The following SPTBN5 variants were observed in gnomAD, a reference collection of about 807,000 sequenced individuals.
SPTBN5 encodes the protein spectrin beta, non-erythrocytic 5.
In SPTBN5, 513 loss-of-function variants were observed where a neutral mutation model predicts 477.6. That is an observed-to-expected ratio of 1.07 (90% CI 1.00 to 1.16). The LOEUF (loss-of-function observed/expected upper bound fraction) is 1.16. Ranked by LOEUF, SPTBN5 falls within the 50% of genes most tolerant of loss-of-function variation. The pLI, the probability that SPTBN5 is intolerant of heterozygous loss-of-function variation, is 0.00. For missense variants in SPTBN5, 5,062 were observed against 4,731.8 expected, an observed-to-expected ratio of 1.07 and a Z score of -2.05; for synonymous variants, 2,169 against 2,011.7, an observed-to-expected ratio of 1.08 and a Z score of -2.09.
In SPTBN5 at chr15:41,857,623, G is replaced by A. The variant is rs1285379492; in HGVS notation, c.8314C>T (p.Leu2772=). 6.2e-6 allele frequency: 10 copies of A among 1,604,918 alleles called. No homozygotes were observed. Among genetic ancestry groups the A allele is most frequent in the South Asian group, 1.1e-5 (1 of 89,226 alleles). Residue 2772 remains leucine, a synonymous_variant, in exon 50 of 68, where the codon CTG becomes TTG. Coordinates refer to ENST00000320955, the MANE Select transcript of SPTBN5 (RefSeq NM_016642.4). Reference sequence around the variant, plus strand: ...ACCTTCTTCTGGGAGTTGTCTTGCAGCTCACCCCAGAGTGCTCCCAGCTCC... The same window carrying A: ...ACCTTCTTCTGGGAGTTGTCTTGCAACTCACCCCAGAGTGCTCCCAGCTCC... ...LEELGALWGE[L]QDNSQKKVAK...
In SPTBN5 at chr15:41,874,471, G is replaced by A; in HGVS notation, c.4510C>T (p.Leu1504Phe). The change falls in exon 24 of 68, where the codon CTT becomes TTT. Residue 1504 changes from leucine to phenylalanine, a missense_variant. By Grantham distance (22) the Leu-to-Phe change is conservative. Transcript: ENST00000320955. ...CGGATGGCCAGATGCCCCTGCAGAA[G>A]CTCCAGCCTAGGAGGAGGAGGAAGA... ...ETQKHLRRLE[L>F]LQGHLAIRGL... The A allele has an allele frequency of 6.2e-7, 1 of 1,607,454 alleles. No individual in the cohort carries two copies. Among genetic ancestry groups the A allele is most frequent in the Non-Finnish European group, 8.5e-7 (1 of 1,177,628 alleles).
chr15:41,873,395 A>C (rs2066608903), intron 26 of SPTBN5, 97 bp downstream of exon 26: 1 of 920,918 alleles, frequency 1.1e-6, no homozygotes, highest in Non-Finnish European at 1.7e-6. Context: ...AAGCAAGAGC[A>C]GGGCTCCGTG....
At chr15:41,851,489 C>T (rs1382044239) in intron 63 of SPTBN5, 120 bp from the exon 64 acceptor site, 3 of 729,732 alleles carry the variant, frequency 4.1e-6, no homozygotes, top group East Asian at 2.7e-5. Context: ...GGACCAAAGT[C>T]CCAATGGGGA....
chr15:41,870,177 G>T, intron 31 of SPTBN5, 66 bp downstream of exon 31: 1 of 1,504,312 alleles, frequency 6.6e-7, no homozygotes, highest in South Asian at 1.2e-5. Flanking sequence ...AAATCTAGAG[G>T]AACAGGCAGG....
chr15:41,868,188 G>T lies in SPTBN5; in HGVS notation c.6088C>A (p.Gln2030Lys). 1 of 1,582,782 alleles carries T rather than the reference G, an allele frequency of 6.3e-7. No homozygotes were observed. Among genetic ancestry groups the T allele is most frequent in the South Asian group, 1.2e-5 (1 of 86,492 alleles). Residue 2030 changes from glutamine to lysine, a missense_variant, in exon 34 of 68, where the codon CAG becomes AAG. Coordinates refer to ENST00000320955, the MANE Select transcript of SPTBN5 (RefSeq NM_016642.4). ...CAGGTCTGATACACCTGGTCCCGCT[G>T]GTCCTGCAGGGCTCGAAGCTCTTCC... is the stretch of plus-strand genomic sequence containing the variant. ...VQEELRALQD[Q>K]RDQVYQTWAR...
At position 41,871,934 on chromosome 15, in the gene SPTBN5, T is replaced by C. The variant is rs1340474338; in HGVS notation, c.5166-17A>G. ...TCCCGGTCCCTGTGGTAACAGTCCGTGGTTCCCCAGAAGTGAGTTGCCCAC... is the reference window on the plus strand; with the variant it reads ...TCCCGGTCCCTGTGGTAACAGTCCGCGGTTCCCCAGAAGTGAGTTGCCCAC... On this transcript the variant is annotated splice_polypyrimidine_tract_variant and intron_variant, in intron 27 of 67. Transcript: ENST00000320955. 6.5e-7 allele frequency: 1 copy of C among 1,539,636 alleles called. No individual in the cohort carries two copies. The highest frequency in any genetic ancestry group is 2.0e-5 in the Admixed American group (1 of 50,852).
Position 41,868,389 on chromosome 15 carries a change from G to A in SPTBN5, c.6057+9C>T, listed in dbSNP as rs747397277. ...AGGGTATGTGGGGGCACCAGGGGAG[G>A]GGGCCCACCTCCTTGGTGGGTGTCC... On this transcript the variant is annotated intron_variant, in intron 33 of 67. Transcript: ENST00000320955. 7 of 1,595,768 alleles carry A rather than the reference G, an allele frequency of 4.4e-6. No individual in the cohort carries two copies. The African/African-American group carries it at 9.4e-5, about 21-fold the overall frequency.
At position 41,857,003 on chromosome 15, in the gene SPTBN5, C is replaced by T; in HGVS notation, c.8658G>A (p.Arg2886=). 2 of 1,604,804 alleles carry T rather than the reference C, an allele frequency of 1.2e-6. No homozygotes were observed. The highest frequency in any genetic ancestry group is 8.5e-7 in the Non-Finnish European group (1 of 1,176,478). Residue 2886 remains arginine, a synonymous_variant, in exon 52 of 68, where the codon AGG becomes AGA. Coordinates refer to ENST00000320955, the MANE Select transcript of SPTBN5 (RefSeq NM_016642.4). ...KSLREPLQER[R]TALEARSLLL... ...GGAGGCTCCGGGCCTCCAGGGCCGT[C>T]CTGCGCTCCTGCAGGGGCTCCCTCA... is the stretch of plus-strand genomic sequence containing the variant.
At chr15:41,853,961 G>T in intron 57 of SPTBN5, 89 bp downstream of exon 57, 1 of 1,472,192 alleles carries the variant, frequency 6.8e-7, no homozygotes, top group Non-Finnish European at 9.0e-7. Flanking sequence ...GGCTGAAGCA[G>T]GCTGGGGTGG....
intron 29 of SPTBN5, among the ~76,000 whole-genome samples, chr15:41,870,819 T>G (rs1208245925): frequency 2.0e-5 from 3 of 152,248 alleles, no homozygotes; most frequent in African/African-American, 4.8e-5. Context: ...TGTGATACTC[T>G]TTACATCCTG....
In SPTBN5 at chr15:41,852,208, G is replaced by A; in HGVS notation, c.10558C>T (p.Gln3520Ter). 1 of 1,604,148 alleles carries A rather than the reference G, an allele frequency of 6.2e-7. No individual in the cohort carries two copies. Among genetic ancestry groups the A allele is most frequent in the East Asian group, 2.2e-5 (1 of 44,636 alleles). Residue 3520 changes from glutamine to a stop codon, truncating the protein, a stop_gained, in exon 62 of 68, where the codon CAG (glutamine) becomes TAG (stop). Transcript: ENST00000320955. LOFTEE classifies it high-confidence loss of function. ...RPSGHQGLGA[Q>*]LAETRDPQDA... ...TGGGGGTCCCTCGTCTCAGCCAGCTGTGCTCCTAGCCCCTGGTGTCCAGAG... is the reference window on the plus strand; with the variant it reads ...TGGGGGTCCCTCGTCTCAGCCAGCTATGCTCCTAGCCCCTGGTGTCCAGAG...
rs372109081 is a variant in SPTBN5, at chr15:41,887,965, C to T, written c.622G>A (p.Asp208Asn). The T allele has an allele frequency of 7.7e-4, 1,236 of 1,609,156 alleles. 26 individuals are homozygous for T. In the South Asian group the frequency reaches 0.013, roughly 17 times the overall value. The part of the protein sequence containing the change: ...NITDFSRSWS[D>N]GLGFNALIHA... Reference sequence around the variant, plus strand: ...ATGAGGGCATTGAAGCCCAGCCCATCGCTCCAGCTTCGGGAGAAATCTGTA... The same window carrying T: ...ATGAGGGCATTGAAGCCCAGCCCATTGCTCCAGCTTCGGGAGAAATCTGTA... Residue 208 changes from aspartate to asparagine, a missense_variant, in exon 5 of 68, where the codon GAT becomes AAT. Coordinates refer to ENST00000320955, the MANE Select transcript of SPTBN5 (RefSeq NM_016642.4).
At position 41,873,530 on chromosome 15, in the gene SPTBN5, C is replaced by G. The variant is rs1021078825; in HGVS notation, c.4969G>C (p.Asp1657His). Residue 1657 changes from aspartate (D) to histidine (H), a missense_variant, in exon 26 of 68, where the codon GAC (aspartate) becomes CAC (histidine). By Grantham distance (81) the Asp-to-His change is moderately conservative. Transcript: ENST00000320955. The stretch of plus-strand genomic sequence containing the variant: ...ATGAGCCTGAGGGTGGCTGCCTCGT[C>G]TCTGCCATAGTCCCGACTGCTCACC... ...PLVSSRDYGR[D>H]EAATLRLINK... The G allele has an allele frequency of 2.7e-5, 42 of 1,551,990 alleles. No homozygotes were observed. The highest frequency in any genetic ancestry group is 3.6e-5 in the Non-Finnish European group (41 of 1,147,164).
Position 41,879,839 on chromosome 15 carries a change from C to A in SPTBN5, c.2837G>T (p.Gly946Val). ...GCTGACCTCAGCCCAGAGGCCCTTT[C>A]CCACAGCCAGGGCAGTGAGGAAGTT... ...YENFLTALAV[G>V]KGLWAEVSSS... The change falls in exon 15 of 68, where the codon GGA becomes GTA. Residue 946 changes from glycine to valine, a missense_variant. By Grantham distance (109) the Gly-to-Val change is moderately radical. Transcript: ENST00000320955. 6.2e-7 allele frequency: 1 copy of A among 1,613,984 alleles called. No homozygotes were observed. Among genetic ancestry groups the A allele is most frequent in the Non-Finnish European group, 8.5e-7 (1 of 1,179,898 alleles).
At chr15:41,891,540 T>A (rs891425183) in intron 3 of SPTBN5, among the ~76,000 whole-genome samples, 2 of 65,370 alleles carry the variant, frequency 3.1e-5, no homozygotes, top group Admixed American at 3.6e-4. Flanking sequence ...TGGCTTAAAC[T>A]CACCGTGATG....
In SPTBN5 at chr15:41,882,281, C is replaced by T; in HGVS notation, c.2235G>A (p.Leu745=). 6.6e-7 allele frequency: 1 copy of T among 1,506,930 alleles called. No homozygotes were observed. The highest frequency in any genetic ancestry group is 1.2e-5 in the South Asian group (1 of 81,394). The allele number at this position is 1,506,930 out of a possible 1,614,324, so 93.3% of individuals were successfully genotyped here. Residue 745 remains leucine, a synonymous_variant, in exon 11 of 68, where the codon CTG becomes CTA. Transcript: ENST00000320955. ...VGRGARLQTA[L]LVLQYFADAA... The stretch of plus-strand genomic sequence containing the variant: ...CCCTCCCCACTACCTGCAGGACCAG[C>T]AGGGCTGTCTGCAGCCGTGCGCCCC...
At chr15:41,891,430 G>A (rs2067309009) in intron 3 of SPTBN5, among the ~76,000 whole-genome samples, 2 of 152,172 alleles carry the variant, frequency 1.3e-5, no homozygotes, top group Non-Finnish European at 1.5e-5. Flanking sequence ...CAATCACCTT[G>A]GCTTAGAGTT....
chr15:41,862,416 A>G, intron 43 of SPTBN5, 123 bp downstream of exon 43: 2 of 1,515,524 alleles, frequency 1.3e-6, no homozygotes, highest in Non-Finnish European at 1.8e-6. Flanking sequence ...AGTTACTGGG[A>G]GGACAGTACA....
At position 41,856,550 on chromosome 15, in the gene SPTBN5, G is replaced by A. The variant is rs1198999355; in HGVS notation, c.8857C>T (p.Leu2953=). 5 of 1,601,706 alleles carry A rather than the reference G, an allele frequency of 3.1e-6. No homozygotes were observed. Among genetic ancestry groups the A allele is most frequent in the Non-Finnish European group, 4.2e-6 (5 of 1,176,868 alleles). The part of the protein sequence containing the change: ...SSHEALTRVV[L]GTGYKLVQAG... Reference sequence around the variant, plus strand: ...TGCACCAGCTTGTACCCAGTGCCCAGCACCACCCGGGTCAGAGCCTCGTGG... The same window carrying A: ...TGCACCAGCTTGTACCCAGTGCCCAACACCACCCGGGTCAGAGCCTCGTGG... Residue 2953 remains leucine, a synonymous_variant, in exon 53 of 68, where the codon CTG becomes TTG. Transcript: ENST00000320955.
Sources: gnomAD v4.1 joint callset for allele counts (sites outside exome capture counted in the v4.1 genomes callset) on GRCh38, gnomAD v4.1.1 for gene constraint, MANE v1.5 for transcripts, NCBI Gene and HGNC (gene_info 2026-07-23, HGNC 2026-07-21) for gene names.